The following CLSTN2 variants were observed in gnomAD, a reference collection of about 807,000 sequenced individuals.
CLSTN2 encodes the protein calsyntenin-2.
A neutral mutation model predicts 101.2 loss-of-function variants in CLSTN2; 48 were observed. That is an observed-to-expected ratio of 0.47 (90% CI 0.38 to 0.60). CLSTN2 has a LOEUF of 0.60. Ranked by LOEUF, CLSTN2 falls within the 20% of genes least tolerant of loss-of-function variation. The probability of loss-of-function intolerance (pLI) is 0.00; values close to 1 mark genes in which losing one functional copy is unlikely to be tolerated. For synonymous variants in CLSTN2, 481 were observed against 463.6 expected, an observed-to-expected ratio of 1.04 and a Z score of -0.48; for missense variants, 1,160 against 1,238.2, an observed-to-expected ratio of 0.94 and a Z score of 0.95.
chr3:140,107,707 CA>C (rs1286251005), intron 1 of CLSTN2, among the ~76,000 whole-genome samples: 1 of 152,142 alleles, frequency 6.6e-6, no homozygotes, highest in East Asian at 1.9e-4. Flanking sequence ...TTTGGTTCCT[CA>C]CCTCTCCACC....
At chr3:140,520,498 C>T (rs1433194811) in intron 8 of CLSTN2, among the ~76,000 whole-genome samples, 1 of 152,192 alleles carries the variant, frequency 6.6e-6, no homozygotes, top group African/African-American at 2.4e-5. Context: ...ATGAGACTCA[C>T]TCACTATCAC....
chr3:140,108,765 G>A (rs576712053), intron 1 of CLSTN2, among the ~76,000 whole-genome samples: 15 of 152,238 alleles, frequency 9.9e-5, no homozygotes, highest in Admixed American at 5.2e-4. Flanking sequence ...TAAGAAGCAC[G>A]CATCTAAATA....
intron 8 of CLSTN2, among the ~76,000 whole-genome samples, chr3:140,475,531 T>C (rs988349807): frequency 6.6e-6 from 1 of 152,228 alleles, no homozygotes; most frequent in African/African-American, 2.4e-5. Flanking sequence ...GAATCCACAC[T>C]CTCAGTGAAG....
intron 1 of CLSTN2, among the ~76,000 whole-genome samples, chr3:140,162,135 A>G (rs1459492107): frequency 2.0e-5 from 3 of 152,186 alleles, no homozygotes; most frequent in African/African-American, 7.2e-5. Context: ...AAACTGCTCT[A>G]GAGAGAATAA....
At chr3:140,541,250 A>T (rs967071459) in intron 9 of CLSTN2, among the ~76,000 whole-genome samples, 21 of 152,230 alleles carry the variant, frequency 1.4e-4, no homozygotes, top group Non-Finnish European at 2.2e-4. Context: ...TGAAAACCTC[A>T]TCTATTAAAG....
chr3:140,370,384 C>T (rs1324604314), intron 2 of CLSTN2, among the ~76,000 whole-genome samples: 1 of 152,132 alleles, frequency 6.6e-6, no homozygotes, highest in East Asian at 1.9e-4. Context: ...TACCACCAGA[C>T]CAGAGACCTA....
At chr3:140,197,430 C>A (rs2010660310) in intron 2 of CLSTN2, among the ~76,000 whole-genome samples, 1 of 152,152 alleles carries the variant, frequency 6.6e-6, no homozygotes, top group Non-Finnish European at 1.5e-5. Flanking sequence ...TTTCACCAAT[C>A]ACATGAGTTT....
chr3:140,232,403 T>C (rs2086378553), intron 2 of CLSTN2, among the ~76,000 whole-genome samples: 1 of 152,114 alleles, frequency 6.6e-6, no homozygotes, highest in Non-Finnish European at 1.5e-5. Flanking sequence ...GGGTGCCCTT[T>C]TCCTTTCTTC....
intron 1 of CLSTN2, among the ~76,000 whole-genome samples, chr3:139,991,248 G>A (rs1426033): frequency 0.53 from 80,963 of 152,104 alleles, 24,307 homozygotes; most frequent in Non-Finnish European, 0.66. Flanking sequence ...TAAAACAACC[G>A]TATCTATTAA....
In CLSTN2 at chr3:140,185,922, T is replaced by C. The variant is rs149909326; in HGVS notation, c.232+9849T>C. ...ATCCTGAATTTCCACAAAATCATCT[T>C]TGTTGTTGCACTTTTATCCACTCTA... On this transcript the variant is annotated intron_variant, in intron 2 of 16. Coordinates refer to ENST00000458420, the MANE Select transcript of CLSTN2 (RefSeq NM_022131.3). Among the ~76,000 whole-genome samples the C allele has an allele frequency of 2.5e-3, 387 of 152,292 alleles. 2 individuals carry two copies. Among genetic ancestry groups the C allele is most frequent in the African/African-American group, 9.1e-3 (377 of 41,568 alleles).
At chr3:140,246,949 T>C (rs1340960803) in intron 2 of CLSTN2, among the ~76,000 whole-genome samples, 2 of 152,148 alleles carry the variant, frequency 1.3e-5, no homozygotes, top group Admixed American at 6.5e-5. Context: ...TTATTAGTCA[T>C]TGTGAGGATT....
intron 2 of CLSTN2, among the ~76,000 whole-genome samples, chr3:140,221,247 A>C (rs949794876): frequency 6.6e-6 from 1 of 152,198 alleles, no homozygotes; most frequent in Non-Finnish European, 1.5e-5. Context: ...GTGTTTTTCT[A>C]AGTTTAATGC....
intron 2 of CLSTN2, among the ~76,000 whole-genome samples, chr3:140,365,347 C>T (rs768605385): frequency 6.6e-6 from 1 of 151,986 alleles, no homozygotes; most frequent in Non-Finnish European, 1.5e-5. Context: ...GCAGAGGTGG[C>T]GTGCTAGGAG....
At chr3:140,498,006 A>G (rs1934504299) in intron 8 of CLSTN2, among the ~76,000 whole-genome samples, 1 of 152,016 alleles carries the variant, frequency 6.6e-6, no homozygotes, top group African/African-American at 2.4e-5. Context: ...CCATTGGTCG[A>G]GTCTTCCACA....
At chr3:140,093,927 G>A (rs1464556841) in intron 1 of CLSTN2, among the ~76,000 whole-genome samples, 2 of 152,192 alleles carry the variant, frequency 1.3e-5, no homozygotes, top group African/African-American at 4.8e-5. Context: ...GATATGGCAA[G>A]AACCCTCAGA....
rs3035957 is a variant in CLSTN2 at position 140,422,189 on chromosome 3, T to TTCTCTCTCTC, written c.787+937_787+946dup. 2.0e-5 allele frequency among the ~76,000 whole-genome samples: 3 copies of TTCTCTCTCTC among 148,616 alleles called. No individual in the cohort carries two copies. In the East Asian group the frequency reaches 6.0e-4, roughly 30 times the overall value. ...ATATTCTCATATTTTCTCTCTTTCT[T>TTCTCTCTCTC]TCTCTCTCTCTCTCTCTCTCTCTCT... On this transcript the variant is annotated intron_variant, in intron 5 of 16. Transcript: ENST00000458420.
chr3:140,271,033 A>C (rs1408100707), intron 2 of CLSTN2, among the ~76,000 whole-genome samples: 1 of 152,184 alleles, frequency 6.6e-6, no homozygotes, highest in East Asian at 1.9e-4. Context: ...CCTGCTAGAT[A>C]ATTCTTTAGC....
At chr3:140,000,612 A>G (rs1362275100) in intron 1 of CLSTN2, among the ~76,000 whole-genome samples, 1 of 152,184 alleles carries the variant, frequency 6.6e-6, no homozygotes, top group Non-Finnish European at 1.5e-5. Context: ...CTCCTACTGC[A>G]TTCTGTAGAT....
chr3:140,015,609 C>T (rs2007184044), intron 1 of CLSTN2, among the ~76,000 whole-genome samples: 1 of 152,144 alleles, frequency 6.6e-6, no homozygotes, highest in Non-Finnish European at 1.5e-5. Flanking sequence ...TTTCTGTCAA[C>T]CTAGTTGGAG....
Sources: allele counts gnomAD v4.1 joint callset (sites outside exome capture counted in the v4.1 genomes callset), GRCh38; gene constraint gnomAD v4.1.1; transcripts MANE v1.5; gene names NCBI Gene and HGNC (gene_info 2026-07-23, HGNC 2026-07-21).